The following UGT1A4 variants were observed in gnomAD, a reference collection of about 807,000 sequenced individuals.
UGT1A4 encodes UDP glucuronosyltransferase family 1 member A4.
In UGT1A4, 32 loss-of-function variants were observed where a neutral mutation model predicts 41.1. The ratio of observed to expected loss-of-function variants is 0.78; its 90% CI spans 0.59 to 1.05. The LOEUF (loss-of-function observed/expected upper bound fraction) is 1.05. Ranked by LOEUF, UGT1A4 falls within the 50% of genes least tolerant of loss-of-function variation. The pLI is 0.00. For missense variants in UGT1A4, 748 were observed against 677.4 expected (o/e 1.10, Z -1.16); for synonymous variants, 283 against 265.1 (o/e 1.07, Z -0.66).
At chr2:233,758,733 C>T (rs1161987353) in intron 1 of UGT1A4, among the ~76,000 whole-genome samples, 1 of 152,140 alleles carries the variant, frequency 6.6e-6, no homozygotes, top group African/African-American at 2.4e-5. Context: ...TAAGCACATC[C>T]CCAAGTATGG....
Position 233,772,250 on chromosome 2 carries a change from CT to C in UGT1A4, c.1308-9del, listed in dbSNP as rs1325171114. 1.9e-6 allele frequency: 3 copies of C among 1,614,110 alleles called. No homozygotes were observed. Reference sequence around the variant, plus strand: ...GGTGTTCCAGGCATAACGAAACTGTCTTTGTGTTTAGTTACAAGGAGAACAT... The same window carrying C: ...GGTGTTCCAGGCATAACGAAACTGTCTTGTGTTTAGTTACAAGGAGAACAT... On this transcript the variant is annotated splice_polypyrimidine_tract_variant and intron_variant, in intron 4 of 4. Coordinates refer to ENST00000373409, the MANE Select transcript of UGT1A4 (RefSeq NM_007120.3).
chr2:233,734,914 A>G (rs7576166), intron 1 of UGT1A4, among the ~76,000 whole-genome samples: 69,332 of 152,022 alleles, frequency 0.46, 17,225 homozygotes, highest in African/African-American at 0.66. Context: ...TACATTTGCT[A>G]AGGAGTGCTT....
rs150837733 is a variant in UGT1A4, at chr2:233,735,056, T to A, written c.867+15369T>A. ...TGCTTGGTGCAGAGCTGAGTTCAGG[T>A]CCTGGATATCCTTGTTAACCTTTGG... On this transcript the variant is annotated intron_variant, in intron 1 of 4. Coordinates refer to ENST00000373409, the MANE Select transcript of UGT1A4 (RefSeq NM_007120.3). 1.8e-3 allele frequency among the ~76,000 whole-genome samples: 281 copies of A among 152,326 alleles called. 3 individuals are homozygous for A. Among genetic ancestry groups the A allele is most frequent in the East Asian group, 0.013 (69 of 5,186 alleles).
intron 1 of UGT1A4, chr2:233,747,447 A>G (rs757762144): frequency 1.5e-4 from 248 of 1,608,780 alleles, no homozygotes; most frequent in Non-Finnish European, 2.0e-4. Context: ...CACCCTGACA[A>G]CCTATGCCAT....
intron 1 of UGT1A4, among the ~76,000 whole-genome samples, chr2:233,748,554 C>T (rs1045487950): frequency 2.0e-5 from 3 of 151,692 alleles, no homozygotes; most frequent in Non-Finnish European, 2.9e-5. Context: ...CCTAAGCACT[C>T]GCAGGAAGTA....
chr2:233,752,967 C>G (rs1695099374), intron 1 of UGT1A4, among the ~76,000 whole-genome samples: 2 of 152,152 alleles, frequency 1.3e-5, no homozygotes, highest in African/African-American at 2.4e-5. Context: ...TTTATGTAAC[C>G]AATTGTGTAG....
chr2:233,737,601 C>T (rs2078898961), intron 1 of UGT1A4, among the ~76,000 whole-genome samples: 1 of 152,178 alleles, frequency 6.6e-6, no homozygotes, highest in African/African-American at 2.4e-5. Flanking sequence ...GAACCAGGTA[C>T]CTCAGTTGGA....
At chr2:233,747,955 T>C in intron 1 of UGT1A4, 1 of 1,613,464 alleles carries the variant, frequency 6.2e-7, no homozygotes, top group East Asian at 2.2e-5. Flanking sequence ...GTGGTGGATC[T>C]TCTCAGCCAT....
intron 1 of UGT1A4, among the ~76,000 whole-genome samples, chr2:233,763,888 CT>C (rs1451970704): frequency 2.0e-5 from 3 of 152,126 alleles, no homozygotes; most frequent in Non-Finnish European, 1.5e-5. Flanking sequence ...AGAAAAATAA[CT>C]AAACAGAAGA....
chr2:233,750,271 C>T (rs1694411042), intron 1 of UGT1A4, among the ~76,000 whole-genome samples: 1 of 151,886 alleles, frequency 6.6e-6, no homozygotes, highest in South Asian at 2.1e-4. Flanking sequence ...TATGCTTTAG[C>T]AAAGAGACTG....
intron 1 of UGT1A4, among the ~76,000 whole-genome samples, chr2:233,759,124 T>C (rs184414791): frequency 7.2e-5 from 11 of 152,358 alleles, no homozygotes; most frequent in Admixed American, 2.6e-4. Flanking sequence ...AGTTACAGCC[T>C]CTGGTACGCA....
chr2:233,763,730 G>A (rs559647176), intron 1 of UGT1A4, among the ~76,000 whole-genome samples: 3 of 152,268 alleles, frequency 2.0e-5, no homozygotes, highest in Non-Finnish European at 4.4e-5. Context: ...GCACAACCTG[G>A]CATTGGCGTG....
chr2:233,772,426 A>C lies in UGT1A4; in HGVS notation c.1472A>C (p.Asp491Ala), dbSNP rs1300515739. The C allele has an allele frequency of 1.2e-5, 20 of 1,614,062 alleles. No individual in the cohort carries two copies. Among genetic ancestry groups the C allele is most frequent in the Non-Finnish European group, 1.7e-5 (20 of 1,180,044 alleles). Reference sequence around the variant, plus strand: ...ACCTGGTACCAGTACCATTCCTTGGACGTGATTGGTTTCCTCTTGGCCGTC... The same window carrying C: ...ACCTGGTACCAGTACCATTCCTTGGCCGTGATTGGTTTCCTCTTGGCCGTC... Reference protein sequence around the residue: ...DLTWYQYHSLDVIGFLLAVVL... With the variant: ...DLTWYQYHSLAVIGFLLAVVL... Residue 491 changes from aspartate (D) to alanine (A), a missense_variant, in exon 5 of 5, where the codon GAC becomes GCC. Coordinates refer to ENST00000373409, the MANE Select transcript of UGT1A4 (RefSeq NM_007120.3).
intron 1 of UGT1A4, chr2:233,760,456 A>T (rs1341101614): frequency 6.2e-7 from 1 of 1,614,230 alleles, no homozygotes; most frequent in Non-Finnish European, 8.5e-7. Flanking sequence ...GGGACATGAA[A>T]TAGTTGTCCT....
chr2:233,720,410 G>T (rs537588442), intron 1 of UGT1A4, among the ~76,000 whole-genome samples: 1 of 152,200 alleles, frequency 6.6e-6, no homozygotes, highest in South Asian at 2.1e-4. Flanking sequence ...GGGTGGAAGG[G>T]ACTAGGGAGG....
chr2:233,757,478 C>T (rs1489873843), intron 1 of UGT1A4, among the ~76,000 whole-genome samples: 8 of 146,268 alleles, frequency 5.5e-5, no homozygotes, highest in African/African-American at 1.5e-4. Flanking sequence ...TCTCCAAAAC[C>T]ATGGACTGGC....
chr2:233,729,775 C>A (rs775577941), intron 1 of UGT1A4: 2 of 1,613,944 alleles, frequency 1.2e-6, no homozygotes, highest in South Asian at 2.2e-5. Context: ...CATGCTCTAC[C>A]CTCTGGCCCT....
intron 1 of UGT1A4, among the ~76,000 whole-genome samples, chr2:233,756,708 C>T (rs1399163610): frequency 6.6e-6 from 1 of 151,990 alleles, no homozygotes; most frequent in Admixed American, 6.6e-5. Flanking sequence ...TTTGGGGGGA[C>T]TTTTTTTGAG....
chr2:233,725,910 A>G (rs538515194), intron 1 of UGT1A4, among the ~76,000 whole-genome samples: 2 of 152,318 alleles, frequency 1.3e-5, no homozygotes, highest in East Asian at 3.9e-4. Context: ...TCACACCTGC[A>G]ATTTCAGCCC....
Sources: allele counts gnomAD v4.1 joint callset (sites outside exome capture counted in the v4.1 genomes callset), GRCh38; gene constraint gnomAD v4.1.1; transcripts MANE v1.5; gene names NCBI Gene and HGNC (gene_info 2026-07-23, HGNC 2026-07-21).